The following CA10 variants were observed in gnomAD, a reference collection of about 807,000 sequenced individuals.
The protein encoded by CA10 is carbonic anhydrase 10 (inactive), also known as carbonic anhydrase-related protein 10.
Under a neutral mutation model 44.2 loss-of-function variants are expected in CA10, and 14 were observed. The observed-to-expected ratio is 0.32, with a 90% confidence interval of 0.21 to 0.50. CA10 has a LOEUF of 0.50. CA10 is among the 20% of genes least tolerant of loss of function. CA10 has a pLI of 0.99. For missense variants in CA10, 350 were observed against 409.7 expected (o/e 0.85, Z 1.26); for synonymous variants, 159 against 141.6 (o/e 1.12, Z -0.87).
upstream of CA10, chr17:52,159,578 A>G (rs1269073721): frequency 6.6e-6 from 1 of 152,350 alleles, no homozygotes; most frequent in Admixed American, 6.5e-5. Context: ...AGCAGCTTCC[A>G]CTGAAGGAGA....
In CA10 at chr17:52,076,368, C is replaced by T. The variant is rs1208845499; in HGVS notation, c.62-3975G>A. On this transcript the variant is annotated intron_variant, in intron 1 of 8. Transcript: ENST00000451037. ...TCATTGCTTCTTTGGCTATCACATC[C>T]ATTCAGAAGCAGAACTATGTAAGAT... Among the ~76,000 whole-genome samples, 5 of 152,326 alleles carry T rather than the reference C, an allele frequency of 3.3e-5. No individual in the cohort carries two copies. The East Asian group carries it at 9.7e-4, about 29-fold the overall frequency.
intron 1 of CA10, among the ~76,000 whole-genome samples, chr17:52,116,482 T>C (rs1988899962): frequency 6.6e-6 from 1 of 152,028 alleles, no homozygotes; most frequent in African/African-American, 2.4e-5. Context: ...AGATAATCCC[T>C]CCCTCAGGCC....
intron 2 of CA10, among the ~76,000 whole-genome samples, chr17:51,948,919 A>T (rs533161887): frequency 6.6e-6 from 1 of 152,288 alleles, no homozygotes; most frequent in East Asian, 1.9e-4. Context: ...TAAAAAGAAC[A>T]TGATAGATCA....
intron 1 of CA10, among the ~76,000 whole-genome samples, chr17:52,135,292 T>C (rs1030681762): frequency 6.6e-6 from 1 of 152,088 alleles, no homozygotes; most frequent in African/African-American, 2.4e-5. Context: ...ATGCTGCCCC[T>C]CCTTTTTTTG....
chr17:51,743,743 C>T (rs1324288535), intron 4 of CA10, among the ~76,000 whole-genome samples: 1 of 152,214 alleles, frequency 6.6e-6, no homozygotes, highest in Admixed American at 6.5e-5. Context: ...TGATCATTCA[C>T]TGTCAACAAA....
chr17:51,890,921 G>A lies in CA10; in HGVS notation c.279+40069C>T, dbSNP rs539942441. ...CTGCTCAGTGCACAGCAGACAGCCC[G>A]GAAAGAGTCTTATGAACCAAGCACT... On this transcript the variant is annotated intron_variant, in intron 3 of 8. Coordinates refer to ENST00000451037, the MANE Select transcript of CA10 (RefSeq NM_020178.5). Among the ~76,000 whole-genome samples the A allele has an allele frequency of 5.3e-5, 8 of 152,226 alleles. No homozygotes were observed. The South Asian group carries it at 1.4e-3, about 28-fold the overall frequency.
intron 4 of CA10, among the ~76,000 whole-genome samples, chr17:51,688,977 C>T (rs551946587): frequency 6.6e-6 from 1 of 152,280 alleles, no homozygotes; most frequent in South Asian, 2.1e-4. Flanking sequence ...GAGGCAAGTT[C>T]TATTTTTATC....
chr17:52,154,156 T>A (rs1181189968), intron 1 of CA10, among the ~76,000 whole-genome samples: 1 of 152,180 alleles, frequency 6.6e-6, no homozygotes. Context: ...CCTAATTTAT[T>A]CTTTCAGAGA....
chr17:51,786,828 T>C (rs141951460), intron 3 of CA10, among the ~76,000 whole-genome samples: 1 of 152,318 alleles, frequency 6.6e-6, no homozygotes, highest in Non-Finnish European at 1.5e-5. Context: ...ATATAGCTTT[T>C]ATTATGGTGA....
At chr17:51,953,994 A>G (rs1983577326) in intron 2 of CA10, among the ~76,000 whole-genome samples, 1 of 152,174 alleles carries the variant, frequency 6.6e-6, no homozygotes, top group Non-Finnish European at 1.5e-5. Flanking sequence ...TTGTGATTAG[A>G]GCTTCCACCA....
intron 4 of CA10, among the ~76,000 whole-genome samples, chr17:51,717,761 A>ATATGTG (rs1405695523): frequency 2.6e-5 from 2 of 75,728 alleles, no homozygotes; most frequent in African/African-American, 9.8e-5. Flanking sequence ...ATATATACGT[A>ATATGTG]TATATGTATA....
chr17:51,831,180 C>G (rs952226294), intron 3 of CA10, among the ~76,000 whole-genome samples: 1 of 152,150 alleles, frequency 6.6e-6, no homozygotes, highest in Non-Finnish European at 1.5e-5. Context: ...GATGGTAATG[C>G]TTGCATTGAA....
At chr17:51,790,204 T>C (rs1252812660) in intron 3 of CA10, among the ~76,000 whole-genome samples, 2 of 152,188 alleles carry the variant, frequency 1.3e-5, no homozygotes, top group Admixed American at 1.3e-4. Context: ...TGGTTTAATG[T>C]GCTGCTTTGC....
intron 1 of CA10, among the ~76,000 whole-genome samples, chr17:52,131,748 A>G (rs545608598): frequency 6.6e-6 from 1 of 152,292 alleles, no homozygotes; most frequent in African/African-American, 2.4e-5. Context: ...AATAGACTAT[A>G]TTGTATGTGT....
At chr17:52,148,144 C>A (rs941711267) in intron 1 of CA10, among the ~76,000 whole-genome samples, 4 of 152,170 alleles carry the variant, frequency 2.6e-5, no homozygotes, top group Admixed American at 2.6e-4. Flanking sequence ...ACAGTAATTT[C>A]CTGTATTGCT....
At chr17:51,853,471 C>T (rs72832696) in intron 3 of CA10, among the ~76,000 whole-genome samples, 3,516 of 152,290 alleles carry the variant, frequency 0.023, 56 homozygotes, top group Non-Finnish European at 0.036. Flanking sequence ...GCAGATATGG[C>T]CTGCCCATAT....
intron 3 of CA10, among the ~76,000 whole-genome samples, chr17:51,835,262 G>T (rs1336184997): frequency 6.6e-6 from 1 of 152,152 alleles, no homozygotes; most frequent in Non-Finnish European, 1.5e-5. Flanking sequence ...TACACAAGGT[G>T]GGGCAGATGC....
At chr17:51,694,168 C>T (rs918785110) in intron 4 of CA10, among the ~76,000 whole-genome samples, 1 of 151,468 alleles carries the variant, frequency 6.6e-6, no homozygotes, top group Admixed American at 6.6e-5. Flanking sequence ...CATGCCATTG[C>T]ACTCCAGCCT....
At chr17:51,671,498 G>A (rs966205974) in intron 4 of CA10, among the ~76,000 whole-genome samples, 6 of 152,192 alleles carry the variant, frequency 3.9e-5, no homozygotes, top group East Asian at 1.9e-4. Flanking sequence ...TCCACCTCCC[G>A]GGTTCACGCC....
Sources: allele counts gnomAD v4.1 joint callset (sites outside exome capture counted in the v4.1 genomes callset), GRCh38; gene constraint gnomAD v4.1.1; transcripts MANE v1.5; gene names NCBI Gene and HGNC (gene_info 2026-07-23, HGNC 2026-07-21).